SMYD3: variants seen among roughly 807,000 people sequenced by gnomAD.
SMYD3 encodes histone-lysine N-methyltransferase SMYD3.
In SMYD3, 36 loss-of-function variants were observed where a neutral mutation model predicts 57.7. The observed-to-expected ratio is 0.62, with a 90% CI of 0.48 to 0.82. SMYD3 has a LOEUF of 0.82. Ranked by LOEUF, SMYD3 falls within the 40% of genes least tolerant of loss-of-function variation. The pLI, the probability that SMYD3 is intolerant of heterozygous loss-of-function variation, is 0.00. For missense variants in SMYD3, 515 were observed against 538.8 expected, an observed-to-expected ratio of 0.96 and a Z score of 0.44; for synonymous variants, 211 against 195.0, an observed-to-expected ratio of 1.08 and a Z score of -0.68.
intron 5 of SMYD3, among the ~76,000 whole-genome samples, chr1:246,245,120 C>CTTTTTTTTT (rs74163421): frequency 7.3e-5 from 9 of 122,940 alleles, no homozygotes; most frequent in African/African-American, 2.1e-4. Context: ...CAGCTACTGC[C>CTTTTTTTTT]TTTTTTTTTT....
intron 1 of SMYD3, among the ~76,000 whole-genome samples, chr1:246,373,673 T>G (rs56821787): frequency 0.15 from 23,403 of 152,234 alleles, 2,055 homozygotes; most frequent in East Asian, 0.3. Flanking sequence ...CATATGGAAC[T>G]TGGGTTGCTC....
At chr1:246,236,938 A>T (rs147311173) in intron 5 of SMYD3, among the ~76,000 whole-genome samples, 229 of 152,336 alleles carry the variant, frequency 1.5e-3, no homozygotes, top group African/African-American at 4.9e-3. Flanking sequence ...TCTCGGGCTC[A>T]CTGTTTCTCC....
chr1:246,002,525 A>G (rs546037483), intron 5 of SMYD3, among the ~76,000 whole-genome samples: 1 of 102,588 alleles, frequency 9.7e-6, no homozygotes, highest in Non-Finnish European at 2.0e-5. Context: ...TCACCATGTT[A>G]GCCAGGATGG....
intron 1 of SMYD3, among the ~76,000 whole-genome samples, chr1:246,481,298 A>T (rs1452052735): frequency 6.6e-6 from 1 of 151,918 alleles, no homozygotes; most frequent in African/African-American, 2.4e-5. Context: ...TGGTGTGTCT[A>T]TGAGGGTTTT....
At chr1:246,304,542 A>G (rs2064947917) in intron 5 of SMYD3, among the ~76,000 whole-genome samples, 1 of 152,186 alleles carries the variant, frequency 6.6e-6, no homozygotes, top group Admixed American at 6.5e-5. Context: ...AATAGAGAGG[A>G]AAAAGGTATC....
At chr1:246,096,443 C>T (rs959163160) in intron 5 of SMYD3, 4 of 152,170 alleles carry the variant, frequency 2.6e-5, no homozygotes, top group African/African-American at 7.2e-5. Flanking sequence ...GCTGAATAAA[C>T]AGAAAGACAA....
Position 246,068,615 on chromosome 1 carries a change from C to G in SMYD3, c.532-138678G>C, listed in dbSNP as rs1002192575. Among the ~76,000 whole-genome samples the G allele has an allele frequency of 4.6e-5, 7 of 152,322 alleles. No individual in the cohort carries two copies. The South Asian group carries it at 1.5e-3, about 32-fold the overall frequency. On this transcript the variant is annotated intron_variant, in intron 5 of 11. Transcript: ENST00000490107. ...CCTGCTACCAGTCAAACCCCTACCACAGTTTCCTCATCTCGACAAAAAGCA... is the reference window on the plus strand; with the variant it reads ...CCTGCTACCAGTCAAACCCCTACCAGAGTTTCCTCATCTCGACAAAAAGCA...
intron 6 of SMYD3, among the ~76,000 whole-genome samples, 169 bp downstream of exon 6, chr1:245,929,701 G>GC (rs2056603747): frequency 6.6e-6 from 1 of 152,162 alleles, no homozygotes; most frequent in Non-Finnish European, 1.5e-5. Flanking sequence ...TTATAAAACT[G>GC]TTTTCTTTCA....
At chr1:246,462,550 C>G (rs1451570366) in intron 1 of SMYD3, among the ~76,000 whole-genome samples, 1 of 152,154 alleles carries the variant, frequency 6.6e-6, no homozygotes, top group Non-Finnish European at 1.5e-5. Context: ...TCAGATCACC[C>G]CATCTCTGGG....
rs528753839 is a variant in SMYD3 at position 246,106,789 on chromosome 1, T to C, written c.532-176852A>G. ...GGCCTATGTGGAGCCATGGGGACAA[T>C]GGAGGCAGTTTCAAAGCTTCTGTCT... is the stretch of plus-strand genomic sequence containing the variant. On this transcript the variant is annotated intron_variant, in intron 5 of 11. Coordinates refer to ENST00000490107, the MANE Select transcript of SMYD3 (RefSeq NM_001167740.2). 6.5e-3 allele frequency among the ~76,000 whole-genome samples: 993 copies of C among 152,242 alleles called. 7 individuals carry two copies. The highest frequency in any genetic ancestry group is 0.027 in the Middle Eastern group (8 of 294).
At chr1:245,851,730 G>A (rs925290417) in intron 10 of SMYD3, among the ~76,000 whole-genome samples, 56 of 152,278 alleles carry the variant, frequency 3.7e-4, no homozygotes, top group African/African-American at 1.3e-3. Flanking sequence ...ACTATATCTA[G>A]CACTCTTGCT....
intron 5 of SMYD3, among the ~76,000 whole-genome samples, chr1:246,317,163 T>G (rs1051001447): frequency 5.9e-5 from 9 of 152,302 alleles, no homozygotes; most frequent in Non-Finnish European, 1.0e-4. Flanking sequence ...GATAAAACAT[T>G]TTTAAATTAT....
At chr1:246,223,787 G>A (rs2063289242) in intron 5 of SMYD3, among the ~76,000 whole-genome samples, 3 of 152,058 alleles carry the variant, frequency 2.0e-5, no homozygotes. Flanking sequence ...AAGCACAGCT[G>A]ACTGGAATTG....
At chr1:245,973,089 C>A (rs963386608) in intron 5 of SMYD3, among the ~76,000 whole-genome samples, 1 of 152,144 alleles carries the variant, frequency 6.6e-6, no homozygotes, top group African/African-American at 2.4e-5. Flanking sequence ...GAAGGTTCCA[C>A]GGCCACAGAC....
chr1:246,239,897 A>T (rs879677432), intron 5 of SMYD3, among the ~76,000 whole-genome samples: 11 of 152,156 alleles, frequency 7.2e-5, no homozygotes, highest in African/African-American at 2.7e-4. Context: ...TCTTTTGAGA[A>T]GCGTCTGTTC....
intron 5 of SMYD3, among the ~76,000 whole-genome samples, chr1:245,992,386 G>A (rs1455513658): frequency 6.6e-6 from 1 of 152,270 alleles, no homozygotes. Flanking sequence ...TGAACCTCGG[G>A]ATGCAGGAAT....
chr1:245,920,119 C>A (rs4654170), intron 7 of SMYD3, among the ~76,000 whole-genome samples: 10 of 151,842 alleles, frequency 6.6e-5, no homozygotes, highest in Admixed American at 2.0e-4. Flanking sequence ...TGAGACCATC[C>A]TGGCTAACAC....
chr1:246,502,451 CATCTA>C (rs1227512557), intron 1 of SMYD3, among the ~76,000 whole-genome samples: 1 of 152,124 alleles, frequency 6.6e-6, no homozygotes, highest in Admixed American at 6.6e-5. Context: ...TTCTATAACT[CATCTA>C]ATCTGTCTCC....
chr1:245,888,110 C>T (rs1934567), intron 8 of SMYD3, among the ~76,000 whole-genome samples: 151,971 of 152,348 alleles, frequency 1, 75,802 homozygotes, highest in Middle Eastern at 1. Context: ...CTCTCCACAG[C>T]AGCTAATGCT....
Sources: allele counts gnomAD v4.1 joint callset (sites outside exome capture counted in the v4.1 genomes callset), GRCh38; gene constraint gnomAD v4.1.1; transcripts MANE v1.5; gene names NCBI Gene and HGNC (gene_info 2026-07-23, HGNC 2026-07-21).